ZNF566: variants seen among roughly 807,000 people sequenced by gnomAD.
ZNF566 encodes the protein zinc finger protein 566.
In ZNF566, 27 loss-of-function variants were observed where a neutral mutation model predicts 32.8. The observed-to-expected ratio is 0.82, with a 90% CI of 0.61 to 1.14. The LOEUF (loss-of-function observed/expected upper bound fraction) is 1.14. ZNF566 is among the 50% of genes most tolerant of loss of function. ZNF566 has a pLI of 0.00. For missense variants in ZNF566, 402 were observed against 490.4 expected (o/e 0.82, Z 1.70); for synonymous variants, 154 against 159.5 (o/e 0.97, Z 0.26).
chr19:36,464,290 G>A (rs2033557564), intron 4 of ZNF566, among the ~76,000 whole-genome samples: 1 of 152,070 alleles, frequency 6.6e-6, no homozygotes. Context: ...GTTGATCAAT[G>A]AAGAATAGAC....
chr19:36,450,650 G>GATAAATAAATAA (rs3085977), intron 4 of ZNF566, among the ~76,000 whole-genome samples: 3 of 151,726 alleles, frequency 2.0e-5, no homozygotes, highest in African/African-American at 7.3e-5. Flanking sequence ...TCAATAGATA[G>GATAAATAAATAA]ATAAATAAAT....
At chr19:36,460,955 C>T (rs764933920) in intron 4 of ZNF566, among the ~76,000 whole-genome samples, 2 of 152,014 alleles carry the variant, frequency 1.3e-5, no homozygotes, top group Admixed American at 6.6e-5. Context: ...TTTGTATCTA[C>T]CAAAAATATC....
intron 4 of ZNF566, among the ~76,000 whole-genome samples, chr19:36,453,551 C>T (rs1157020916): frequency 6.7e-6 from 1 of 150,346 alleles, no homozygotes; most frequent in Non-Finnish European, 1.5e-5. Flanking sequence ...AATAAACCTA[C>T]AATCATTTGC....
At chr19:36,472,834 G>T in intron 4 of ZNF566, 77 bp downstream of exon 4, 1 of 1,194,650 alleles carries the variant, frequency 8.4e-7, no homozygotes. Flanking sequence ...CCTGTGAGGA[G>T]AGTTTCCCAG....
chr19:36,458,403 A>G (rs550999664), intron 4 of ZNF566, among the ~76,000 whole-genome samples: 1 of 152,194 alleles, frequency 6.6e-6, no homozygotes, highest in Non-Finnish European at 1.5e-5. Flanking sequence ...CCAGGCACAG[A>G]AAGACAGATA....
chr19:36,458,915 G>A (rs763405173), intron 4 of ZNF566, among the ~76,000 whole-genome samples: 18 of 151,928 alleles, frequency 1.2e-4, no homozygotes, highest in Non-Finnish European at 2.2e-4. Context: ...GTGCAATGGC[G>A]CGATCTTGGC....
chr19:36,476,605 A>C lies in ZNF566; in HGVS notation c.-48T>G, dbSNP rs1568528242. 1 of 1,612,794 alleles carries C rather than the reference A, an allele frequency of 6.2e-7. No individual in the cohort carries two copies. ...GACCTTCTCTTGGCTCTTCTTTTGG[A>C]GAAGGGTAGAGCTGGGAGAGGCAAA... is the stretch of plus-strand genomic sequence containing the variant. On this transcript the variant is annotated 5_prime_UTR_variant, in exon 2 of 5. Transcript: ENST00000452939.
At chr19:36,468,348 G>A (rs1022538863) in intron 4 of ZNF566, among the ~76,000 whole-genome samples, 3 of 151,800 alleles carry the variant, frequency 2.0e-5, no homozygotes, top group Non-Finnish European at 4.4e-5. Context: ...GCTTGCTCCT[G>A]TAATCCCAAC....
chr19:36,474,663 G>C (rs562997980), intron 2 of ZNF566, among the ~76,000 whole-genome samples: 43 of 152,198 alleles, frequency 2.8e-4, no homozygotes, highest in African/African-American at 9.6e-4. Context: ...CTGGTAACGG[G>C]ACAAAACCAG....
intron 4 of ZNF566, chr19:36,456,415 T>C (rs1351623897): frequency 6.9e-6 from 1 of 145,068 alleles, no homozygotes; most frequent in African/African-American, 2.5e-5. Context: ...TAGCCGGGCG[T>C]GGCAGCATGC....
intron 4 of ZNF566, among the ~76,000 whole-genome samples, chr19:36,452,542 C>T (rs747086446): frequency 3.8e-4 from 56 of 148,558 alleles, no homozygotes; most frequent in Non-Finnish European, 6.7e-4. Flanking sequence ...AGTTTGAAAT[C>T]ATACTAGATC....
At chr19:36,469,324 G>T (rs1600161190) in intron 4 of ZNF566, among the ~76,000 whole-genome samples, 1 of 151,896 alleles carries the variant, frequency 6.6e-6, no homozygotes, top group Non-Finnish European at 1.5e-5. Flanking sequence ...GATCACCTGA[G>T]GTCAGGAGTT....
At chr19:36,451,250 G>A (rs1002714963) in intron 4 of ZNF566, among the ~76,000 whole-genome samples, 1 of 152,180 alleles carries the variant, frequency 6.6e-6, no homozygotes, top group Non-Finnish European at 1.5e-5. Context: ...AGGAACTAGA[G>A]GGTGACAATC....
chr19:36,449,236 T>C lies in ZNF566; in HGVS notation c.998A>G (p.His333Arg). 2 of 1,614,106 alleles carry C rather than the reference T, an allele frequency of 1.2e-6. No individual in the cohort carries two copies. Among genetic ancestry groups the C allele is most frequent in the Non-Finnish European group, 8.5e-7 (1 of 1,180,014 alleles). The change falls in exon 5 of 5, where the codon CAT (histidine) becomes CGT (arginine). Residue 333 changes from histidine (H) to arginine (R), a missense_variant. His to Arg is a conservative substitution (Grantham distance 29, BLOSUM62 0). Coordinates refer to ENST00000452939, the MANE Select transcript of ZNF566 (RefSeq NM_001145344.1). ...ACATTCGTAAGGTTTCTCACCTGTA[T>C]GGATTCTTTGATGTTTAATAAGTTG... ...SSQLIKHQRIHTGEKPYECKE... is the reference protein window; with the variant it reads ...SSQLIKHQRIRTGEKPYECKE...
In ZNF566 at chr19:36,447,052, G is replaced by C. The variant is rs1188544117; in HGVS notation, c.*1925C>G. The C allele has an allele frequency of 2.7e-5, 4 of 146,158 alleles. No homozygotes were observed. Among genetic ancestry groups the C allele is most frequent in the Admixed American group, 1.4e-4 (2 of 14,458 alleles). 9.1% of individuals were successfully genotyped at this position (146,158 alleles called of 1,614,324 possible). On this transcript the variant is annotated 3_prime_UTR_variant, in exon 5 of 5. Coordinates refer to ENST00000452939, the MANE Select transcript of ZNF566 (RefSeq NM_001145344.1). ...TTTTTTTTTTTAATAGTCTCATTCT[G>C]TCGCTCAGGCTGAAGTGCCATGGCG...
intron 4 of ZNF566, chr19:36,456,380 C>CAAAAAAAAAAAAAAAAAA (rs59964294): frequency 2.1e-5 from 2 of 96,530 alleles, no homozygotes; most frequent in African/African-American, 3.9e-5. Context: ...TACTAAAATA[C>CAAAAAAAAAAAAAAAAAA]AAAAAAAAAA....
chr19:36,456,981 C>T (rs988919966), intron 4 of ZNF566, among the ~76,000 whole-genome samples: 24 of 152,172 alleles, frequency 1.6e-4, no homozygotes, highest in Admixed American at 1.0e-3. Context: ...TCACTACATC[C>T]GATAGATTTC....
At chr19:36,473,047 A>G in intron 3 of ZNF566, 41 bp from the exon 4 acceptor site, 2 of 1,542,984 alleles carry the variant, frequency 1.3e-6, no homozygotes, top group Non-Finnish European at 1.8e-6. Flanking sequence ...TATCATGAGC[A>G]TATCCTAGAA....
chr19:36,480,410 G>A (rs1174883321), intron 1 of ZNF566, among the ~76,000 whole-genome samples: 1 of 151,156 alleles, frequency 6.6e-6, no homozygotes, highest in African/African-American at 2.4e-5. Flanking sequence ...TCAGCCTCTG[G>A]AGTAGCTGGG....
Sources: allele counts gnomAD v4.1 joint callset (sites outside exome capture counted in the v4.1 genomes callset), GRCh38; gene constraint gnomAD v4.1.1; transcripts MANE v1.5; gene names NCBI Gene and HGNC (gene_info 2026-07-23, HGNC 2026-07-21).